Variants in BBX observed in about 807,000 individuals in gnomAD.
BBX encodes the protein BBX high mobility group box domain containing.
BBX carries 30 observed loss-of-function variants against 100.2 expected under a neutral mutation model. The ratio of observed to expected loss-of-function variants is 0.30; its 90% confidence interval spans 0.22 to 0.41. The LOEUF is 0.41. Ranked by LOEUF, BBX falls within the 10% of genes least tolerant of loss-of-function variation. BBX has a pLI of 1.00. For synonymous variants in BBX, 376 were observed against 388.1 expected, an observed-to-expected ratio of 0.97 and a Z score of 0.37; for missense variants, 1,023 against 1,129.8, an observed-to-expected ratio of 0.91 and a Z score of 1.35.
At chr3:107,538,909 A>G (rs889374148) in intron 2 of BBX, among the ~76,000 whole-genome samples, 2 of 151,936 alleles carry the variant, frequency 1.3e-5, no homozygotes, top group African/African-American at 4.8e-5. Context: ...CTTAGCTTCC[A>G]AGCTGGGACC....
intron 6 of BBX, among the ~76,000 whole-genome samples, chr3:107,730,457 G>A (rs1262937658): frequency 6.7e-6 from 1 of 149,074 alleles, no homozygotes; most frequent in African/African-American, 2.5e-5. Flanking sequence ...TCTCAGTCTA[G>A]ATCCAGGGTA....
chr3:107,635,687 A>T (rs1025040077), intron 2 of BBX, among the ~76,000 whole-genome samples: 15 of 151,998 alleles, frequency 9.9e-5, no homozygotes, highest in Non-Finnish European at 1.3e-4. Flanking sequence ...TCTTTTCAGG[A>T]AGTATATATG....
chr3:107,741,140 C>T (rs1187950877), intron 7 of BBX, among the ~76,000 whole-genome samples: 1 of 151,814 alleles, frequency 6.6e-6, no homozygotes, highest in Non-Finnish European at 1.5e-5. Flanking sequence ...CTTTTGTTGA[C>T]CGTGTGTTCA....
At chr3:107,734,141 C>G (rs1172885082) in intron 7 of BBX, among the ~76,000 whole-genome samples, 1 of 152,032 alleles carries the variant, frequency 6.6e-6, no homozygotes, top group African/African-American at 2.4e-5. Context: ...GAAGGCTATT[C>G]AAATAGTGGT....
At chr3:107,568,432 T>G (rs2051095380) in intron 2 of BBX, among the ~76,000 whole-genome samples, 1 of 151,988 alleles carries the variant, frequency 6.6e-6, no homozygotes, top group African/African-American at 2.4e-5. Flanking sequence ...GCTTGGCTAA[T>G]TTTTTGTATT....
chr3:107,714,504 G>A (rs1170027237), intron 4 of BBX, among the ~76,000 whole-genome samples: 2 of 152,116 alleles, frequency 1.3e-5, no homozygotes, highest in Non-Finnish European at 2.9e-5. Flanking sequence ...ACTCTTTTCT[G>A]AAGGGGAAAT....
chr3:107,574,727 T>C (rs1243150521), intron 2 of BBX, among the ~76,000 whole-genome samples: 1 of 152,228 alleles, frequency 6.6e-6, no homozygotes, highest in East Asian at 1.9e-4. Flanking sequence ...TAATTATGAA[T>C]GAGATGCAAC....
chr3:107,583,662 A>G (rs2052449679), intron 2 of BBX, among the ~76,000 whole-genome samples: 1 of 151,152 alleles, frequency 6.6e-6, no homozygotes, highest in South Asian at 2.1e-4. Context: ...ATTATCCAGT[A>G]TTAGAAAGTA....
intron 2 of BBX, among the ~76,000 whole-genome samples, chr3:107,533,597 T>C (rs1158570905): frequency 6.6e-6 from 1 of 152,238 alleles, no homozygotes; most frequent in South Asian, 2.1e-4. Flanking sequence ...AGAACCTGGT[T>C]AGTTCACATT....
chr3:107,751,821 G>A (rs971985672), intron 9 of BBX, among the ~76,000 whole-genome samples: 2 of 152,124 alleles, frequency 1.3e-5, no homozygotes, highest in African/African-American at 4.8e-5. Context: ...TCCAGAGTCA[G>A]CTTGGCCCAT....
At chr3:107,726,155 G>C (rs943822932) in intron 5 of BBX, among the ~76,000 whole-genome samples, 5 of 151,886 alleles carry the variant, frequency 3.3e-5, no homozygotes, top group African/African-American at 4.8e-5. Context: ...TCCCCCATTT[G>C]TCCCTTACCC....
At chr3:107,576,766 T>A (rs1271258182) in intron 2 of BBX, among the ~76,000 whole-genome samples, 1 of 152,184 alleles carries the variant, frequency 6.6e-6, no homozygotes, top group Non-Finnish European at 1.5e-5. Context: ...ATTAGGGGCT[T>A]ATATCTTTGG....
chr3:107,713,561 G>A (rs2061868518), intron 4 of BBX, among the ~76,000 whole-genome samples: 1 of 152,094 alleles, frequency 6.6e-6, no homozygotes, highest in South Asian at 2.1e-4. Flanking sequence ...ATGTATTTAT[G>A]TATTTACTTT....
At chr3:107,554,429 A>C (rs1212862616) in intron 2 of BBX, among the ~76,000 whole-genome samples, 1 of 152,218 alleles carries the variant, frequency 6.6e-6, no homozygotes, top group Non-Finnish European at 1.5e-5. Flanking sequence ...GAACAGTTGG[A>C]ATACTTTTCT....
chr3:107,710,024 G>T (rs866854904), intron 3 of BBX, among the ~76,000 whole-genome samples: 8 of 152,206 alleles, frequency 5.3e-5, no homozygotes, highest in Admixed American at 3.9e-4. Flanking sequence ...AGAATGCCTG[G>T]GGGGCAAGCC....
intron 3 of BBX, 23 bp from the exon 4 acceptor site, chr3:107,710,429 C>G: frequency 3.5e-6 from 5 of 1,416,464 alleles, no homozygotes; most frequent in Admixed American, 2.2e-5. Flanking sequence ...TTCCCTGTTT[C>G]TCTCTCTCTC....
intron 2 of BBX, among the ~76,000 whole-genome samples, chr3:107,556,759 A>G (rs2050125551): frequency 6.6e-6 from 1 of 152,204 alleles, no homozygotes; most frequent in South Asian, 2.1e-4. Flanking sequence ...TAGATTCTGG[A>G]GCTACCTCTT....
intron 2 of BBX, among the ~76,000 whole-genome samples, chr3:107,598,452 C>T (rs549673883): frequency 6.6e-6 from 1 of 152,248 alleles, no homozygotes; most frequent in South Asian, 2.1e-4. Flanking sequence ...AGTACTTTGG[C>T]AAAGCAGATC....
At chr3:107,745,905 G>C (rs2064552302) in intron 8 of BBX, among the ~76,000 whole-genome samples, 2 of 152,122 alleles carry the variant, frequency 1.3e-5, no homozygotes, top group African/African-American at 4.8e-5. Flanking sequence ...ATGTTAGCAT[G>C]TGTACATTTT....
Sources: allele counts gnomAD v4.1 joint callset (sites outside exome capture counted in the v4.1 genomes callset), GRCh38; gene constraint gnomAD v4.1.1; transcripts MANE v1.5; gene names NCBI Gene and HGNC (gene_info 2026-07-23, HGNC 2026-07-21).